Variants in GOLGA6L10 observed in about 807,000 individuals in gnomAD.
GOLGA6L10 encodes the protein golgin subfamily A member 6-like protein 10.
GOLGA6L10 carries 4 observed loss-of-function variants against 56.9 expected under a neutral mutation model. The ratio of observed to expected loss-of-function variants is 0.07; its 90% confidence interval spans 0.03 to 0.16. The LOEUF (loss-of-function observed/expected upper bound fraction) is 0.16. Among genes scored for constraint, GOLGA6L10 ranks in the 10% least tolerant of loss-of-function variants. The pLI is 1.00. For synonymous variants in GOLGA6L10, 11 were observed against 220.9 expected, an observed-to-expected ratio of 0.05 and a Z score of 8.43; for missense variants, 34 against 558.3, an observed-to-expected ratio of 0.06 and a Z score of 9.46.
chr15:82,346,215 G>T (rs1219958888), intron 4 of GOLGA6L10, among the ~76,000 whole-genome samples: 1 of 149,356 alleles, frequency 6.7e-6, no homozygotes, highest in East Asian at 1.9e-4. Flanking sequence ...AGGAGAGATG[G>T]CTTGTCCAGA....
At position 82,340,568 on chromosome 15, in the gene GOLGA6L10, T is replaced by C. The variant is rs1727363422; in HGVS notation, c.*2208A>G. On this transcript the variant is annotated 3_prime_UTR_variant, in exon 9 of 9. Transcript: ENST00000610657. The stretch of plus-strand genomic sequence containing the variant: ...TTAAAATTCTCTCTTTCTGCTGAAC[T>C]CTAACCTTCTAATATTGCCTTCTAA... 1 of 151,400 alleles carries C rather than the reference T, an allele frequency of 6.6e-6. No individual in the cohort carries two copies. Among genetic ancestry groups the C allele is most frequent in the African/African-American group, 2.4e-5 (1 of 41,400 alleles). 9.4% of individuals were successfully genotyped at this position (151,400 alleles called of 1,614,324 possible). A position where few individuals can be genotyped will look rare whatever the true frequency, so the allele number is the denominator to read the frequency against.
intron 7 of GOLGA6L10, among the ~76,000 whole-genome samples, chr15:82,343,715 G>A (rs1238864906): frequency 2.6e-5 from 4 of 152,012 alleles, no homozygotes; most frequent in African/African-American, 9.7e-5. Flanking sequence ...CCAGGCTGCA[G>A]TGCAGTGGTG....
chr15:82,348,201 A>G (rs1461263665), intron 1 of GOLGA6L10, among the ~76,000 whole-genome samples: 1 of 152,144 alleles, frequency 6.6e-6, no homozygotes, highest in African/African-American at 2.4e-5. Flanking sequence ...GAATCAAGGG[A>G]AAATGATGCT....
rs1160933867 is a variant in GOLGA6L10, at chr15:82,340,779, A to G, written c.*1997T>C. The stretch of plus-strand genomic sequence containing the variant: ...CACAGAGAGTGGTATTTGAGTTAAT[A>G]TAGTACATTTATTTTTCAGACTGAC... On this transcript the variant is annotated 3_prime_UTR_variant, in exon 9 of 9. Coordinates refer to ENST00000610657, the MANE Select transcript of GOLGA6L10 (RefSeq NM_001164465.3). The G allele has an allele frequency of 6.7e-6, 1 of 150,096 alleles. No individual in the cohort carries two copies. Among genetic ancestry groups the G allele is most frequent in the African/African-American group, 2.4e-5 (1 of 40,958 alleles). 9.3% of individuals were successfully genotyped at this position (150,096 alleles called of 1,614,324 possible).
intron 7 of GOLGA6L10, among the ~76,000 whole-genome samples, chr15:82,344,007 G>T (rs1389807568): frequency 1.3e-4 from 20 of 150,356 alleles, no homozygotes; most frequent in Admixed American, 1.0e-3. Flanking sequence ...CTCTTCCTCT[G>T]TGATTGGGGG....
At chr15:82,346,965 C>T in intron 2 of GOLGA6L10, 79 bp from the exon 3 acceptor site, 1 of 1,494,772 alleles carries the variant, frequency 6.7e-7, no homozygotes, top group Non-Finnish European at 8.8e-7. Context: ...TTTCTTCCCC[C>T]ATCAACTGGC....
rs1251453629 is a variant in GOLGA6L10 at position 82,343,944 on chromosome 15, G to C, written c.1333+317C>G. The stretch of plus-strand genomic sequence containing the variant: ...CTGCCTCAGCCTCCCAAAGTGCTGG[G>C]ATTGCAGGCGTGAGCCACCACACCC... On this transcript the variant is annotated intron_variant, in intron 7 of 8. Transcript: ENST00000610657. Among the ~76,000 whole-genome samples, 3 of 147,602 alleles carry C rather than the reference G, an allele frequency of 2.0e-5. 1 individual carries two copies. The highest frequency in any genetic ancestry group is 4.5e-5 in the Non-Finnish European group (3 of 67,136).
At chr15:82,348,156 G>A (rs1459476490) in intron 1 of GOLGA6L10, among the ~76,000 whole-genome samples, 3 of 152,174 alleles carry the variant, frequency 2.0e-5, no homozygotes, top group Non-Finnish European at 4.4e-5. Context: ...CTATGTGTCT[G>A]TCATCCCCAA....
At chr15:82,345,976 C>G in intron 4 of GOLGA6L10, 80 bp from the exon 5 acceptor site, 1 of 1,191,274 alleles carries the variant, frequency 8.4e-7, no homozygotes, top group Non-Finnish European at 1.2e-6. Flanking sequence ...GAAAGGCCCA[C>G]CCCCCTTCTG....
Position 82,342,770 on chromosome 15 carries a change from C to A in GOLGA6L10, c.*6G>T. The A allele has an allele frequency of 6.2e-7, 1 of 1,603,170 alleles. No individual in the cohort carries two copies. Among genetic ancestry groups the A allele is most frequent in the Non-Finnish European group, 8.5e-7 (1 of 1,179,680 alleles). ...TTTTTTTTTTTTTCAATTTCTTGAC[C>A]CGCTCTTAGATGATGGTGATGTTTA... On this transcript the variant is annotated 3_prime_UTR_variant, in exon 9 of 9. Transcript: ENST00000610657.
intron 7 of GOLGA6L10, among the ~76,000 whole-genome samples, chr15:82,343,667 C>CTGTTT (rs1183803820): frequency 2.6e-3 from 389 of 150,160 alleles, no homozygotes; most frequent in African/African-American, 9.5e-3. Flanking sequence ...TTTTGTTTTT[C>CTGTTT]TGTTTTGTTT....
In GOLGA6L10 at chr15:82,340,771, G is replaced by C. The variant is rs2075638020; in HGVS notation, c.*2005C>G. ...AATACCTACACAGAGAGTGGTATTT[G>C]AGTTAATATAGTACATTTATTTTTC... On this transcript the variant is annotated 3_prime_UTR_variant, in exon 9 of 9. Coordinates refer to ENST00000610657, the MANE Select transcript of GOLGA6L10 (RefSeq NM_001164465.3). The C allele has an allele frequency of 6.7e-6, 1 of 149,950 alleles. No individual in the cohort carries two copies. 9.3% of individuals were successfully genotyped at this position (149,950 alleles called of 1,614,324 possible).
At chr15:82,348,042 G>A (rs1223789429) in intron 1 of GOLGA6L10, among the ~76,000 whole-genome samples, 2 of 152,002 alleles carry the variant, frequency 1.3e-5, no homozygotes, top group African/African-American at 4.8e-5. Context: ...ATATCAATGT[G>A]TCCTCATGGC....
chr15:82,340,692 A>C lies in GOLGA6L10; in HGVS notation c.*2084T>G, dbSNP rs1203552855. The C allele has an allele frequency of 6.6e-6, 1 of 150,728 alleles. No individual in the cohort carries two copies. Among genetic ancestry groups the C allele is most frequent in the Non-Finnish European group, 1.5e-5 (1 of 67,618 alleles). The allele number at this position is 150,728 out of a possible 1,614,324, so 9.3% of individuals were successfully genotyped here. On this transcript the variant is annotated 3_prime_UTR_variant, in exon 9 of 9. Coordinates refer to ENST00000610657, the MANE Select transcript of GOLGA6L10 (RefSeq NM_001164465.3). The stretch of plus-strand genomic sequence containing the variant: ...TGCATGCACTTTGAAGAAAGACTTG[A>C]GTTATTGTCATAGGATTTCCATTCT...
chr15:82,344,026 C>A (rs1435569527), intron 7 of GOLGA6L10, among the ~76,000 whole-genome samples: 1 of 150,410 alleles, frequency 6.6e-6, no homozygotes, highest in Non-Finnish European at 1.5e-5. Flanking sequence ...GGGCTCCATG[C>A]CTCTAGCTGG....
intron 1 of GOLGA6L10, among the ~76,000 whole-genome samples, chr15:82,347,914 G>C (rs1279038076): frequency 8.5e-5 from 13 of 152,404 alleles, no homozygotes; most frequent in African/African-American, 2.9e-4. Flanking sequence ...CAAAACCAGG[G>C]GCAGAGGTAG....
In GOLGA6L10 at chr15:82,341,970, A is replaced by G. The variant is rs1414143590; in HGVS notation, c.*806T>C. On this transcript the variant is annotated 3_prime_UTR_variant, in exon 9 of 9. Coordinates refer to ENST00000610657, the MANE Select transcript of GOLGA6L10 (RefSeq NM_001164465.3). ...GTATCTTCATGAGCCCAGAGCACAT[A>G]CAAATCCTAAGGGAACTACCGTAGT... 1.7e-5 allele frequency: 2 copies of G among 119,108 alleles called. No individual in the cohort carries two copies. The highest frequency in any genetic ancestry group is 3.1e-4 in the South Asian group (1 of 3,240). 7.4% of individuals were successfully genotyped at this position (119,108 alleles called of 1,614,324 possible). A position where few individuals can be genotyped will look rare whatever the true frequency, so the allele number is the denominator to read the frequency against.
chr15:82,345,107 A>ATGT lies in GOLGA6L10; in HGVS notation c.752_753insACA (p.Cys251delinsTer). On this transcript the variant is annotated stop_gained, in exon 6 of 9. Transcript: ENST00000610657. LOFTEE classifies it high-confidence loss of function. The stretch of plus-strand genomic sequence containing the variant: ...GTTCACGTAGCCTCTCCTCCTGTTC[A>ATGT]CACAGCCTCTCCTCCTGTTCACGTA... 1 of 515,578 alleles carries ATGT rather than the reference A, an allele frequency of 1.9e-6. No individual in the cohort carries two copies. The highest frequency in any genetic ancestry group is 3.4e-6 in the Non-Finnish European group (1 of 298,500). The allele number at this position is 515,578 out of a possible 1,614,324, so 31.9% of individuals were successfully genotyped here.
At chr15:82,344,056 C>A (rs2075659160) in intron 7 of GOLGA6L10, among the ~76,000 whole-genome samples, 1 of 150,414 alleles carries the variant, frequency 6.6e-6, no homozygotes, top group Admixed American at 6.6e-5. Flanking sequence ...GATGTCCAGA[C>A]CTGGGAGGGC....
Sources: allele counts gnomAD v4.1 joint callset (sites outside exome capture counted in the v4.1 genomes callset), GRCh38; gene constraint gnomAD v4.1.1; transcripts MANE v1.5; gene names NCBI Gene and HGNC (gene_info 2026-07-23, HGNC 2026-07-21).